CERS3: variants seen among roughly 807,000 people sequenced by gnomAD.
The protein encoded by CERS3 is ceramide synthase 3.
A neutral mutation model predicts 50.3 loss-of-function variants in CERS3; 33 were observed. The ratio of observed to expected loss-of-function variants is 0.66; its 90% CI spans 0.50 to 0.88. CERS3 has a LOEUF of 0.88. Among genes scored for constraint, CERS3 ranks in the 40% least tolerant of loss-of-function variants. The probability of loss-of-function intolerance (pLI) is 0.00; values close to 1 mark genes in which losing one functional copy is unlikely to be tolerated. For synonymous variants in CERS3, 176 were observed against 155.2 expected (o/e 1.13, Z -0.99); for missense variants, 470 against 460.3 (o/e 1.02, Z -0.19).
At chr15:100,457,270 ACAC>A (rs2034404554) in intron 10 of CERS3, among the ~76,000 whole-genome samples, 1 of 152,204 alleles carries the variant, frequency 6.6e-6, no homozygotes, top group Non-Finnish European at 1.5e-5. Flanking sequence ...GTTTATTTAA[ACAC>A]CACTACAATT....
chr15:100,467,814 T>G (rs543105209), intron 10 of CERS3, among the ~76,000 whole-genome samples: 2 of 82,658 alleles, frequency 2.4e-5, no homozygotes, highest in Non-Finnish European at 5.4e-5. Context: ...TATACGTCTA[T>G]ATATATGTGT....
At chr15:100,437,210 G>C (rs1367843022) in intron 11 of CERS3, among the ~76,000 whole-genome samples, 1 of 152,144 alleles carries the variant, frequency 6.6e-6, no homozygotes, top group East Asian at 1.9e-4. Flanking sequence ...CTCCCAAAGT[G>C]CTGGGATTAC....
chr15:100,526,121 C>T (rs2036781380), intron 1 of CERS3, among the ~76,000 whole-genome samples: 1 of 152,192 alleles, frequency 6.6e-6, no homozygotes. Flanking sequence ...GATAGATTGC[C>T]AAAACACCAT....
intron 11 of CERS3, among the ~76,000 whole-genome samples, chr15:100,427,645 A>G (rs1017788126): frequency 6.6e-6 from 1 of 152,250 alleles, no homozygotes; most frequent in East Asian, 1.9e-4. Context: ...ACAAACATCA[A>G]TCTCTCGGGT....
chr15:100,422,062 G>A (rs62036014), intron 11 of CERS3, among the ~76,000 whole-genome samples: 14 of 113,654 alleles, frequency 1.2e-4, no homozygotes, highest in East Asian at 4.8e-4. Context: ...AGCAATGGCA[G>A]CAAAAGCCAA....
chr15:100,459,714 A>G (rs1160266962), intron 10 of CERS3, among the ~76,000 whole-genome samples: 1 of 152,200 alleles, frequency 6.6e-6, no homozygotes, highest in Non-Finnish European at 1.5e-5. Context: ...CAGAAAGACT[A>G]TACCAATTTA....
intron 10 of CERS3, among the ~76,000 whole-genome samples, chr15:100,460,192 T>C (rs531493377): frequency 6.6e-6 from 1 of 152,350 alleles, no homozygotes; most frequent in South Asian, 2.1e-4. Flanking sequence ...ATATAAAACA[T>C]ATTTTCCCAT....
intron 11 of CERS3, among the ~76,000 whole-genome samples, chr15:100,421,703 C>T (rs907386435): frequency 1.3e-5 from 2 of 149,638 alleles, no homozygotes. Flanking sequence ...GCTACAGTAA[C>T]CAAAACAGCA....
intron 10 of CERS3, among the ~76,000 whole-genome samples, chr15:100,457,548 T>G (rs188940025): frequency 1.7e-4 from 26 of 152,386 alleles, no homozygotes; most frequent in Admixed American, 1.6e-3. Context: ...ACTTTATGGC[T>G]GCATCACTGT....
intron 11 of CERS3, among the ~76,000 whole-genome samples, chr15:100,430,841 T>C (rs1353430621): frequency 6.6e-6 from 1 of 152,200 alleles, no homozygotes; most frequent in Non-Finnish European, 1.5e-5. Context: ...TTTCCCCTTT[T>C]TTCCCTCCTC....
At chr15:100,506,210 G>T (rs911293081) in intron 2 of CERS3, among the ~76,000 whole-genome samples, 2 of 152,102 alleles carry the variant, frequency 1.3e-5, no homozygotes, top group Non-Finnish European at 2.9e-5. Context: ...AGGGACTTGT[G>T]GTTAGAATAT....
chr15:100,456,039 A>G lies in CERS3; in HGVS notation c.853T>C (p.Tyr285His). ...RLIVFPFWILYCTLILPMYHL... is the reference protein window; with the variant it reads ...RLIVFPFWILHCTLILPMYHL... Reference sequence around the variant, plus strand: ...TACATAGGCAAGATCAGCGTGCAATATAAAATCCTGAAACACCAAACAGTT... The same window carrying G: ...TACATAGGCAAGATCAGCGTGCAATGTAAAATCCTGAAACACCAAACAGTT... The change falls in exon 11 of 12, where the codon TAT becomes CAT. Residue 285 changes from tyrosine to histidine, a missense_variant. Coordinates refer to ENST00000679737, the MANE Select transcript of CERS3 (RefSeq NM_001378789.1). 2 of 1,603,044 alleles carry G rather than the reference A, an allele frequency of 1.2e-6. No individual in the cohort carries two copies. Among genetic ancestry groups the G allele is most frequent in the Non-Finnish European group, 1.7e-6 (2 of 1,175,440 alleles).
At chr15:100,437,687 A>G (rs983297423) in intron 11 of CERS3, 1 of 152,214 alleles carries the variant, frequency 6.6e-6, no homozygotes. Flanking sequence ...ATGGCAGCTA[A>G]CATTTATCAT....
At chr15:100,427,880 T>C (rs1360199712) in intron 11 of CERS3, among the ~76,000 whole-genome samples, 1 of 152,162 alleles carries the variant, frequency 6.6e-6, no homozygotes, top group Non-Finnish European at 1.5e-5. Context: ...GGGAACAGTT[T>C]TACTGAGTTA....
chr15:100,472,266 A>C (rs1007426836), intron 9 of CERS3, among the ~76,000 whole-genome samples: 1 of 152,218 alleles, frequency 6.6e-6, no homozygotes, highest in Non-Finnish European at 1.5e-5. Context: ...AGAGAAGGGG[A>C]CAATTCCATC....
intron 5 of CERS3, among the ~76,000 whole-genome samples, chr15:100,483,766 A>AT (rs57710570): frequency 2.6e-4 from 6 of 22,940 alleles, no homozygotes; most frequent in African/African-American, 3.8e-4. Context: ...AGGATCAATA[A>AT]TAATAATAAT....
intron 5 of CERS3, among the ~76,000 whole-genome samples, chr15:100,480,745 T>A (rs935404073): frequency 6.6e-6 from 1 of 152,216 alleles, no homozygotes; most frequent in Non-Finnish European, 1.5e-5. Flanking sequence ...ATACTGATAT[T>A]GCAATTATGC....
Position 100,402,502 on chromosome 15 carries a change from A to T in CERS3, c.*211T>A, listed in dbSNP as rs1317516851. 3 of 556,602 alleles carry T rather than the reference A, an allele frequency of 5.4e-6. No individual in the cohort carries two copies. The highest frequency in any genetic ancestry group is 9.5e-6 in the Non-Finnish European group (3 of 314,824). 34.5% of individuals were successfully genotyped at this position (556,602 alleles called of 1,614,324 possible). ...ATCTTTGAAATCTTTGACCAGTCTG[A>T]GTCCTAACTGCAGTAAAAATCCATG... On this transcript the variant is annotated 3_prime_UTR_variant, in exon 12 of 12. Transcript: ENST00000679737.
At chr15:100,466,778 TTCCTTCCTTCC>T (rs1567638409) in intron 10 of CERS3, among the ~76,000 whole-genome samples, 15 of 25,160 alleles carry the variant, frequency 6.0e-4, no homozygotes, top group Non-Finnish European at 1.4e-3. Context: ...CCTTCCTTCC[TTCCTTCCTTCC>T]TTCCTCCCTC....
Sources: allele counts gnomAD v4.1 joint callset (sites outside exome capture counted in the v4.1 genomes callset), GRCh38; gene constraint gnomAD v4.1.1; transcripts MANE v1.5; gene names NCBI Gene and HGNC (gene_info 2026-07-23, HGNC 2026-07-21).